Variants in LYRM7 observed in about 807,000 individuals in gnomAD.
The protein encoded by LYRM7 is LYR motif containing 7.
A neutral mutation model predicts 15.8 loss-of-function variants in LYRM7; 9 were observed. That is an observed-to-expected ratio of 0.57 (90% CI 0.34 to 0.99). LYRM7 has a LOEUF of 0.99. LYRM7 is among the 50% of genes least tolerant of loss of function. LYRM7 has a pLI of 0.02. For synonymous variants in LYRM7, 39 were observed against 39.4 expected (o/e 0.99, Z 0.04); for missense variants, 115 against 119.1 (o/e 0.97, Z 0.16).
chr5:131,181,887 A>G lies in LYRM7; in HGVS notation c.92-342A>G, dbSNP rs1186543614. ...TTGAATTTTACCATCTTAAAAAAGC[A>G]TTTTAATAGAAATCCTTAGATTTGT... On this transcript the variant is annotated intron_variant, in intron 2 of 4. Coordinates refer to ENST00000379380, the MANE Select transcript of LYRM7 (RefSeq NM_181705.4). 4.6e-5 allele frequency among the ~76,000 whole-genome samples: 7 copies of G among 152,308 alleles called. No individual in the cohort carries two copies. In the East Asian group the frequency reaches 1.3e-3, roughly 29 times the overall value.
chr5:131,202,337 A>G lies in LYRM7; in HGVS notation c.*2736A>G, dbSNP rs533774673. ...TGGAGAAACCCCATCTCTATTAAAA[A>G]TGCAAAATTAGCAGGACATGGTGAT... On this transcript the variant is annotated 3_prime_UTR_variant, in exon 5 of 5. Coordinates refer to ENST00000379380, the MANE Select transcript of LYRM7 (RefSeq NM_181705.4). The G allele has an allele frequency of 6.6e-6, 1 of 152,158 alleles. No individual in the cohort carries two copies. The highest frequency in any genetic ancestry group is 2.4e-5 in the African/African-American group (1 of 41,534). The allele number at this position is 152,158 out of a possible 1,614,324, so 9.4% of individuals were successfully genotyped here. A position where few individuals can be genotyped will look rare whatever the true frequency, so the allele number is the denominator to read the frequency against.
At chr5:131,187,206 A>G in intron 4 of LYRM7, 97 bp downstream of exon 4, 1 of 686,326 alleles carries the variant, frequency 1.5e-6, no homozygotes, top group East Asian at 2.8e-5. Context: ...AAACAGCTTG[A>G]TTTTGCCAGA....
chr5:131,196,277 A>G (rs1755964148), intron 4 of LYRM7, among the ~76,000 whole-genome samples: 1 of 151,814 alleles, frequency 6.6e-6, no homozygotes, highest in African/African-American at 2.4e-5. Context: ...TCGGCCTCCT[A>G]AAGTACTAGG....
At chr5:131,181,316 T>TATATATATATACATAC (rs1208669077) in intron 2 of LYRM7, among the ~76,000 whole-genome samples, 1 of 27,648 alleles carries the variant, frequency 3.6e-5, no homozygotes, top group Non-Finnish European at 7.6e-5. Flanking sequence ...TATATATATA[T>TATATATATATACATAC]ACACACACAC....
chr5:131,181,288 A>AT (rs1755687642), intron 2 of LYRM7, among the ~76,000 whole-genome samples: 1 of 15,424 alleles, frequency 6.5e-5, no homozygotes, highest in Non-Finnish European at 1.4e-4. Context: ...AAAAAAAAAA[A>AT]AAAAAAAAAA....
intron 1 of LYRM7, among the ~76,000 whole-genome samples, chr5:131,174,139 A>G (rs542090203): frequency 5.4e-4 from 83 of 152,346 alleles, no homozygotes; most frequent in African/African-American, 1.9e-3. Context: ...TGTTATTTCA[A>G]CAATGTTTAC....
intron 1 of LYRM7, among the ~76,000 whole-genome samples, chr5:131,173,521 G>A (rs1253043209): frequency 2.6e-5 from 4 of 152,174 alleles, no homozygotes; most frequent in African/African-American, 9.7e-5. Context: ...CCAGGTGGGC[G>A]GATCACAAGG....
At chr5:131,188,476 ATT>A (rs1350482285) in intron 4 of LYRM7, among the ~76,000 whole-genome samples, 1 of 151,158 alleles carries the variant, frequency 6.6e-6, no homozygotes, top group Non-Finnish European at 1.5e-5. Context: ...TGTGATTTTA[ATT>A]TATATTTCTC....
At chr5:131,198,601 C>T (rs1444102042) in intron 4 of LYRM7, among the ~76,000 whole-genome samples, 1 of 151,788 alleles carries the variant, frequency 6.6e-6, no homozygotes, top group Non-Finnish European at 1.5e-5. Context: ...GCCACTGTGT[C>T]CCCCAGGCTG....
At chr5:131,173,117 T>C (rs1296868502) in intron 1 of LYRM7, among the ~76,000 whole-genome samples, 1 of 152,234 alleles carries the variant, frequency 6.6e-6, no homozygotes, top group Admixed American at 6.5e-5. Flanking sequence ...TTTAATCCCA[T>C]GCAACATGTC....
chr5:131,194,637 A>G (rs374072709), intron 4 of LYRM7, among the ~76,000 whole-genome samples: 2 of 152,186 alleles, frequency 1.3e-5, no homozygotes, highest in East Asian at 1.9e-4. Context: ...GAGAAGTAGC[A>G]TTGGTATGGT....
chr5:131,198,586 G>T (rs946090043), intron 4 of LYRM7, among the ~76,000 whole-genome samples: 16 of 151,444 alleles, frequency 1.1e-4, no homozygotes, highest in African/African-American at 3.9e-4. Context: ...TTTTTGAGGT[G>T]GACTGCCACT....
Position 131,203,944 on chromosome 5 carries a change from A to G in LYRM7, c.*4343A>G, listed in dbSNP as rs1161401551. 1 of 152,278 alleles carries G rather than the reference A, an allele frequency of 6.6e-6. No individual in the cohort carries two copies. Among genetic ancestry groups the G allele is most frequent in the Admixed American group, 6.5e-5 (1 of 15,284 alleles). 9.4% of individuals were successfully genotyped at this position (152,278 alleles called of 1,614,324 possible). ...AAGAAATACTAAGTCTCTAGTGATG[A>G]GAGAAATGTAAATTAAAATGAAACA... On this transcript the variant is annotated 3_prime_UTR_variant, in exon 5 of 5. Transcript: ENST00000379380.
At position 131,192,452 on chromosome 5, in the gene LYRM7, A is replaced by G. The variant is rs1343555000; in HGVS notation, c.244+5343A>G. Among the ~76,000 whole-genome samples, 3 of 152,198 alleles carry G rather than the reference A, an allele frequency of 2.0e-5. 1 individual carries two copies. Among genetic ancestry groups the G allele is most frequent in the Non-Finnish European group, 4.4e-5 (3 of 68,018 alleles). On this transcript the variant is annotated intron_variant, in intron 4 of 4. Coordinates refer to ENST00000379380, the MANE Select transcript of LYRM7 (RefSeq NM_181705.4). ...ATATTCCTAACACAAAGAAATGATC[A>G]ATAAGGTCATAGATATGCTAATTAC...
At chr5:131,197,889 TATATA>T (rs999613590) in intron 4 of LYRM7, among the ~76,000 whole-genome samples, 38 of 151,730 alleles carry the variant, frequency 2.5e-4, no homozygotes, top group African/African-American at 9.0e-4. Flanking sequence ...TGTGTGTAAA[TATATA>T]TATTTTTAAA....
intron 4 of LYRM7, among the ~76,000 whole-genome samples, chr5:131,195,511 T>C (rs1755950156): frequency 1.3e-5 from 2 of 152,156 alleles, no homozygotes; most frequent in African/African-American, 2.4e-5. Flanking sequence ...AGCTGTAACA[T>C]GAAATAAGAT....
intron 1 of LYRM7, 93 bp downstream of exon 1, chr5:131,171,131 GCTC>G (rs1369506467): frequency 7.9e-7 from 1 of 1,262,928 alleles, no homozygotes; most frequent in Non-Finnish European, 1.1e-6. Flanking sequence ...GGAGGCTGGG[GCTC>G]CTGACCCTTT....
intron 3 of LYRM7, among the ~76,000 whole-genome samples, chr5:131,182,668 G>A (rs937881811): frequency 7.9e-5 from 12 of 152,106 alleles, no homozygotes; most frequent in South Asian, 2.1e-4. Context: ...TGAACTAAGC[G>A]GTTAGATATT....
intron 1 of LYRM7, among the ~76,000 whole-genome samples, chr5:131,177,689 T>C (rs574664043): frequency 6.6e-6 from 1 of 152,348 alleles, no homozygotes; most frequent in African/African-American, 2.4e-5. Context: ...TGCTGTGTTA[T>C]GAGTTTTATG....
Sources: allele counts gnomAD v4.1 joint callset (sites outside exome capture counted in the v4.1 genomes callset), GRCh38; gene constraint gnomAD v4.1.1; transcripts MANE v1.5; gene names NCBI Gene and HGNC (gene_info 2026-07-23, HGNC 2026-07-21).